The following RAP1GAP2 variants were observed in gnomAD, a reference collection of about 807,000 sequenced individuals.
The protein encoded by RAP1GAP2 is rap1 GTPase-activating protein 2.
In RAP1GAP2, 27 loss-of-function variants were observed where a neutral mutation model predicts 95.0. That is an observed-to-expected ratio of 0.28 (90% CI 0.21 to 0.39). The LOEUF is 0.39. Among genes scored for constraint, RAP1GAP2 ranks in the 10% least tolerant of loss-of-function variants. RAP1GAP2 has a pLI of 1.00. For missense variants in RAP1GAP2, 771 were observed against 970.0 expected, an observed-to-expected ratio of 0.79 and a Z score of 2.72; for synonymous variants, 373 against 380.9, an observed-to-expected ratio of 0.98 and a Z score of 0.24.
chr17:2,780,375 C>T (rs1049725644), intron 1 of RAP1GAP2, among the ~76,000 whole-genome samples: 5 of 152,356 alleles, frequency 3.3e-5, no homozygotes, highest in African/African-American at 4.8e-5. Context: ...CTTTTTTCCA[C>T]GGTGTCCACC....
Position 2,939,934 on chromosome 17 carries a change from C to A in RAP1GAP2, c.166-17825C>A, listed in dbSNP as rs182860651. ...GGGCGGACACCCGAGTCCTGTAGTT[C>A]CTTGTTTGATCTGAAGGAAGTTGTC... On this transcript the variant is annotated intron_variant, in intron 3 of 24. Transcript: ENST00000254695. 2.8e-4 allele frequency among the ~76,000 whole-genome samples: 42 copies of A among 152,362 alleles called. 1 individual carries two copies. In the East Asian group the frequency reaches 7.5e-3, roughly 27 times the overall value.
chr17:3,036,940 G>C lies in RAP1GAP2; in HGVS notation c.*3579G>C, dbSNP rs772385612. On this transcript the variant is annotated 3_prime_UTR_variant, in exon 25 of 25. Coordinates refer to ENST00000254695, the MANE Select transcript of RAP1GAP2 (RefSeq NM_015085.5). The stretch of plus-strand genomic sequence containing the variant: ...GTTGGGGGTTCGAGTAGATCTCATG[G>C]GTACAGGAGGCCAGCAGGGACCAGG... 6.6e-6 allele frequency: 1 copy of C among 152,664 alleles called. No individual in the cohort carries two copies. The highest frequency in any genetic ancestry group is 2.4e-5 in the African/African-American group (1 of 41,416). 9.5% of individuals were successfully genotyped at this position (152,664 alleles called of 1,614,324 possible).
rs114053554 is a variant in RAP1GAP2 at position 2,933,348 on chromosome 17, A to G, written c.166-24411A>G. 5.0e-3 allele frequency among the ~76,000 whole-genome samples: 757 copies of G among 151,752 alleles called. 8 individuals are homozygous for G. The highest frequency in any genetic ancestry group is 0.017 in the African/African-American group (720 of 41,334). ...GCCTGGGGGGCAGAGACCACCGTGGAGTGAGGGAGGGGGCCAGCCGTGCCT... is the reference window on the plus strand; with the variant it reads ...GCCTGGGGGGCAGAGACCACCGTGGGGTGAGGGAGGGGGCCAGCCGTGCCT... On this transcript the variant is annotated intron_variant, in intron 3 of 24. Transcript: ENST00000254695.
Position 2,827,266 on chromosome 17 carries a change from C to A in RAP1GAP2, c.80+26716C>A, listed in dbSNP as rs1470901637. ...GCTGAGTGGATACCCACTCGCACAT[C>A]CAACAGCTCTCATTCCCAAAGCGTG... On this transcript the variant is annotated intron_variant, in intron 2 of 24. Transcript: ENST00000254695. This position sits in a 1 kb window ranked among gnomAD's most constrained non-coding sequence, Gnocchi z 4.1. Among the ~76,000 whole-genome samples, 1 of 152,106 alleles carries A rather than the reference C, an allele frequency of 6.6e-6. No individual in the cohort carries two copies. The highest frequency in any genetic ancestry group is 1.5e-5 in the Non-Finnish European group (1 of 68,028).
In RAP1GAP2 at chr17:2,877,496, C is replaced by T. The variant is rs185664677; in HGVS notation, c.81-27788C>T. 3.1e-3 allele frequency among the ~76,000 whole-genome samples: 479 copies of T among 152,220 alleles called. 4 individuals carry two copies. The highest frequency in any genetic ancestry group is 0.011 in the African/African-American group (461 of 41,536). ...GGTGTGGTGGCTCACACCTGTAATCCCAGCACTTTGGGAGGCCAAAGCGCG... is the reference window on the plus strand; with the variant it reads ...GGTGTGGTGGCTCACACCTGTAATCTCAGCACTTTGGGAGGCCAAAGCGCG... On this transcript the variant is annotated intron_variant, in intron 2 of 24. Coordinates refer to ENST00000254695, the MANE Select transcript of RAP1GAP2 (RefSeq NM_015085.5).
chr17:2,974,432 C>A (rs1402147637), intron 8 of RAP1GAP2, among the ~76,000 whole-genome samples: 1 of 151,568 alleles, frequency 6.6e-6, no homozygotes, highest in Non-Finnish European at 1.5e-5. Flanking sequence ...TGCTTTCAGA[C>A]ATAAAAAAAT....
rs923702076 is a variant in RAP1GAP2, at chr17:2,796,924, G to A, written c.44+353G>A. Among the ~76,000 whole-genome samples the A allele has an allele frequency of 1.3e-5, 2 of 152,198 alleles. No individual in the cohort carries two copies. The highest frequency in any genetic ancestry group is 2.1e-4 in the South Asian group (1 of 4,820). On this transcript the variant is annotated intron_variant, in intron 1 of 24. Coordinates refer to ENST00000254695, the MANE Select transcript of RAP1GAP2 (RefSeq NM_015085.5). The surrounding 1 kb of genome is among the most constrained non-coding windows in gnomAD (Gnocchi z 4.7). The stretch of plus-strand genomic sequence containing the variant: ...GGATTATGTGTAAGTGTGTGTGTGC[G>A]CGTTTGAGCCTGTGTGTGCAGGCGT...
chr17:2,852,599 C>T (rs2151596718), intron 2 of RAP1GAP2, among the ~76,000 whole-genome samples: 1 of 151,790 alleles, frequency 6.6e-6, no homozygotes, highest in African/African-American at 2.4e-5. Flanking sequence ...AAAAACAAAA[C>T]AAAAAACAAA....
chr17:2,800,624 G>A, intron 2 of RAP1GAP2, 74 bp downstream of exon 2: 2 of 1,484,062 alleles, frequency 1.3e-6, no homozygotes, highest in South Asian at 1.2e-5. Context: ...GCTCCCCCCA[G>A]GTTGTGGGAG....
At chr17:2,880,993 G>A (rs2073264029) in intron 2 of RAP1GAP2, among the ~76,000 whole-genome samples, 2 of 152,072 alleles carry the variant, frequency 1.3e-5, no homozygotes, top group African/African-American at 4.8e-5. Flanking sequence ...CATGTGTGGT[G>A]ATACATGTCT....
In RAP1GAP2 at chr17:3,026,281, G is replaced by A. The variant is rs2047113213; in HGVS notation, c.1866-69G>A. The A allele has an allele frequency of 1.1e-5, 16 of 1,400,914 alleles. No homozygotes were observed. The South Asian group carries it at 1.7e-4, about 15-fold the overall frequency. The allele number at this position is 1,400,914 out of a possible 1,614,324, so 86.8% of individuals were successfully genotyped here. On this transcript the variant is annotated intron_variant, in intron 20 of 24. Coordinates refer to ENST00000254695, the MANE Select transcript of RAP1GAP2 (RefSeq NM_015085.5). The stretch of plus-strand genomic sequence containing the variant: ...GGCGTGGGGAGCCGCCAGAGGTCCC[G>A]GGGAGGACCCTGGGGGTGGAGGGCT...
intron 2 of RAP1GAP2, among the ~76,000 whole-genome samples, chr17:2,856,394 G>A (rs1350788495): frequency 1.3e-5 from 2 of 152,190 alleles, no homozygotes; most frequent in Admixed American, 1.3e-4. Flanking sequence ...ACCACAAAGG[G>A]CTGTGAGGCT....
intron 2 of RAP1GAP2, among the ~76,000 whole-genome samples, chr17:2,815,685 T>A (rs538062109): frequency 2.0e-5 from 3 of 152,160 alleles, no homozygotes; most frequent in Admixed American, 1.3e-4. Flanking sequence ...TTTCACCACG[T>A]TGACCAGGCT....
chr17:2,994,855 C>G (rs1443280221), intron 12 of RAP1GAP2, among the ~76,000 whole-genome samples: 2 of 152,180 alleles, frequency 1.3e-5, no homozygotes, highest in Admixed American at 1.3e-4. Context: ...CTCTTGTTGC[C>G]CAGGCTGGAG....
At chr17:2,788,223 TA>T (rs2068836898) in intron 1 of RAP1GAP2, among the ~76,000 whole-genome samples, 1 of 152,154 alleles carries the variant, frequency 6.6e-6, no homozygotes, top group Non-Finnish European at 1.5e-5. Flanking sequence ...CATATGTATA[TA>T]GGGGTGTGTG....
rs548853866 is a variant in RAP1GAP2 at position 2,917,536 on chromosome 17, C to T, written c.165+12168C>T. 5.3e-5 allele frequency among the ~76,000 whole-genome samples: 8 copies of T among 152,074 alleles called. No homozygotes were observed. In the East Asian group the frequency reaches 1.6e-3, roughly 30 times the overall value. ...CCACCCGCCTTGGGCTCCCAAAGTG[C>T]TGGGATTATAAGTGTGAGCCACCGT... is the stretch of plus-strand genomic sequence containing the variant. On this transcript the variant is annotated intron_variant, in intron 3 of 24. Coordinates refer to ENST00000254695, the MANE Select transcript of RAP1GAP2 (RefSeq NM_015085.5).
At chr17:2,788,818 A>G (rs1195188315) in intron 1 of RAP1GAP2, among the ~76,000 whole-genome samples, 1 of 152,204 alleles carries the variant, frequency 6.6e-6, no homozygotes, top group Non-Finnish European at 1.5e-5. Context: ...TCAAGCTCTC[A>G]GTGGATTGGT....
At chr17:2,777,525 G>C (rs1361453051) in intron 1 of RAP1GAP2, among the ~76,000 whole-genome samples, 1 of 152,176 alleles carries the variant, frequency 6.6e-6, no homozygotes, top group East Asian at 1.9e-4. Context: ...CCGGCCCTGA[G>C]TGGGGGGTCC....
Position 2,850,101 on chromosome 17 carries a change from T to C in RAP1GAP2, c.80+49551T>C, listed in dbSNP as rs1017789364. Among the ~76,000 whole-genome samples, 6 of 149,868 alleles carry C rather than the reference T, an allele frequency of 4.0e-5. No individual in the cohort carries two copies. The South Asian group carries it at 8.6e-4, about 21-fold the overall frequency. ...CTGCAACCTCTGCCTCCCGGGTTCA[T>C]GCCATTCCCCTGCCTCAGCCTCCCG... On this transcript the variant is annotated intron_variant, in intron 2 of 24. Transcript: ENST00000254695.
Sources: gnomAD v4.1 joint callset for allele counts (sites outside exome capture counted in the v4.1 genomes callset) on GRCh38, gnomAD v4.1.1 for gene constraint, Gnocchi (gnomAD v3.1) non-coding constraint, MANE v1.5 for transcripts, NCBI Gene and HGNC (gene_info 2026-07-23, HGNC 2026-07-21) for gene names.